Variants in AGPAT3 observed in about 807,000 individuals in gnomAD.
AGPAT3 encodes the protein 1-acyl-sn-glycerol-3-phosphate acyltransferase gamma.
A neutral mutation model predicts 47.3 loss-of-function variants in AGPAT3; 5 were observed. The observed-to-expected ratio is 0.11, with a 90% CI of 0.06 to 0.22. The LOEUF (loss-of-function observed/expected upper bound fraction) is 0.22, where lower values mean the gene tolerates loss of function less well. Among genes scored for constraint, AGPAT3 ranks in the 10% least tolerant of loss-of-function variants. The probability of loss-of-function intolerance (pLI) is 1.00; values close to 1 mark genes in which losing one functional copy is unlikely to be tolerated. For synonymous variants in AGPAT3, 212 were observed against 208.3 expected (o/e 1.02, Z -0.15); for missense variants, 315 against 493.0 (o/e 0.64, Z 3.42).
At chr21:43,928,155 G>A (rs1405677233) in intron 2 of AGPAT3, among the ~76,000 whole-genome samples, 3 of 152,198 alleles carry the variant, frequency 2.0e-5, no homozygotes, top group East Asian at 3.9e-4. Flanking sequence ...CTTGCTGGAC[G>A]TGGAAGTCTC....
At position 43,952,482 on chromosome 21, in the gene AGPAT3, T is replaced by C. The variant is rs2088246209; in HGVS notation, c.-48-7152T>C. On this transcript the variant is annotated intron_variant, in intron 2 of 9. Transcript: ENST00000291572. The surrounding 1 kb of genome is among the most constrained non-coding windows in gnomAD (Gnocchi z 5.6). ...GGGCTGGGCTCTGATTGGCAAGCAG[T>C]GCTCTGGCCCTGCCCAGGCAGAGGC... Among the ~76,000 whole-genome samples the C allele has an allele frequency of 6.6e-6, 1 of 152,134 alleles. No homozygotes were observed. Among genetic ancestry groups the C allele is most frequent in the Non-Finnish European group, 1.5e-5 (1 of 68,016 alleles).
At chr21:43,937,260 G>A (rs528454914) in intron 2 of AGPAT3, among the ~76,000 whole-genome samples, 7 of 152,218 alleles carry the variant, frequency 4.6e-5, no homozygotes, top group Non-Finnish European at 1.0e-4. Context: ...TTGGTCCCTA[G>A]ATATGTGTGA....
At chr21:43,936,609 CT>C (rs777784593) in intron 2 of AGPAT3, among the ~76,000 whole-genome samples, 12 of 152,380 alleles carry the variant, frequency 7.9e-5, no homozygotes, top group African/African-American at 2.9e-4. Context: ...AGCTCTGCCC[CT>C]ATAATACTTC....
chr21:43,940,045 A>G (rs2087605178), intron 2 of AGPAT3, among the ~76,000 whole-genome samples: 1 of 152,228 alleles, frequency 6.6e-6, no homozygotes, highest in African/African-American at 2.4e-5. Flanking sequence ...CTGGCCACGC[A>G]GGTGGCACCC....
rs569507312 is a variant in AGPAT3 at position 43,952,693 on chromosome 21, G to A, written c.-48-6941G>A. On this transcript the variant is annotated intron_variant, in intron 2 of 9. Transcript: ENST00000291572. The surrounding 1 kb of genome is among the most constrained non-coding windows in gnomAD (Gnocchi z 5.6). Reference sequence around the variant, plus strand: ...ACGCGCTGGCACCAAGCTTCTGGGCGACCTAAACCTGTTGTTTAATGAAGG... The same window carrying A: ...ACGCGCTGGCACCAAGCTTCTGGGCAACCTAAACCTGTTGTTTAATGAAGG... 2.4e-4 allele frequency among the ~76,000 whole-genome samples: 36 copies of A among 151,934 alleles called. No individual in the cohort carries two copies. The highest frequency in any genetic ancestry group is 1.0e-3 in the South Asian group (5 of 4,814).
chr21:43,907,578 G>A (rs562262826), intron 2 of AGPAT3, among the ~76,000 whole-genome samples: 5 of 152,170 alleles, frequency 3.3e-5, no homozygotes, highest in East Asian at 1.9e-4. Flanking sequence ...TTAGCTGGGC[G>A]TGGTGGCGGG....
intron 3 of AGPAT3, among the ~76,000 whole-genome samples, chr21:43,963,339 G>C (rs970645076): frequency 1.3e-5 from 2 of 152,172 alleles, no homozygotes; most frequent in Non-Finnish European, 2.9e-5. Context: ...TCAGATACAG[G>C]AAGCACATGT....
rs376792294 is a variant in AGPAT3, at chr21:43,895,896, AG to A, written c.-111-8060del. 5.1e-3 allele frequency among the ~76,000 whole-genome samples: 776 copies of A among 152,268 alleles called. 9 individuals are homozygous for A. Among genetic ancestry groups the A allele is most frequent in the African/African-American group, 0.018 (743 of 41,548 alleles). Reference sequence around the variant, plus strand: ...GTTCTTCTGCCTCAGCCTCCCAAGTAGCTGGGATTACAGGCGCCTGCTACCA... The same window carrying A: ...GTTCTTCTGCCTCAGCCTCCCAAGTACTGGGATTACAGGCGCCTGCTACCA... On this transcript the variant is annotated intron_variant, in intron 1 of 9. Transcript: ENST00000291572.
intron 7 of AGPAT3, among the ~76,000 whole-genome samples, chr21:43,974,448 G>T (rs1006429401): frequency 6.6e-6 from 1 of 151,386 alleles, no homozygotes; most frequent in Non-Finnish European, 1.5e-5. Flanking sequence ...TGTGGTATGT[G>T]TGTATAAATT....
At chr21:43,978,841 C>G (rs926248854) in intron 8 of AGPAT3, among the ~76,000 whole-genome samples, 5 of 152,190 alleles carry the variant, frequency 3.3e-5, no homozygotes, top group African/African-American at 1.2e-4. Context: ...TTCTTTCCCC[C>G]ACGGCTTACT....
rs1294289419 is a variant in AGPAT3, at chr21:43,934,985, A to G, written c.-48-24649A>G. Among the ~76,000 whole-genome samples the G allele has an allele frequency of 1.4e-5, 2 of 146,048 alleles. No homozygotes were observed. Among genetic ancestry groups the G allele is most frequent in the Admixed American group, 1.3e-4 (2 of 14,832 alleles). ...CATGCCATTGACACGCCACCACGCC[A>G]CTTACGCCACCCACGCTACTACCCA... On this transcript the variant is annotated intron_variant, in intron 2 of 9. Coordinates refer to ENST00000291572, the MANE Select transcript of AGPAT3 (RefSeq NM_020132.5). This position sits in a 1 kb window ranked among gnomAD's most constrained non-coding sequence, Gnocchi z 4.7.
At chr21:43,888,330 G>A (rs776223081) in intron 1 of AGPAT3, among the ~76,000 whole-genome samples, 4 of 152,132 alleles carry the variant, frequency 2.6e-5, no homozygotes, top group African/African-American at 4.8e-5. Context: ...TTGCATCACT[G>A]CACCCAGCTT....
intron 2 of AGPAT3, among the ~76,000 whole-genome samples, chr21:43,953,919 AGC>A: frequency 6.6e-6 from 1 of 152,322 alleles, no homozygotes; most frequent in South Asian, 2.1e-4. Context: ...GAATCACTTG[AGC>A]CTAGGAGATC....
At chr21:43,975,778 G>A (rs2089596807) in intron 7 of AGPAT3, among the ~76,000 whole-genome samples, 1 of 152,124 alleles carries the variant, frequency 6.6e-6, no homozygotes, top group Admixed American at 6.5e-5. Flanking sequence ...GCAGCGATTT[G>A]CTTCTCCCTC....
chr21:43,871,894 A>G (rs559708094), intron 1 of AGPAT3, among the ~76,000 whole-genome samples: 2 of 152,266 alleles, frequency 1.3e-5, no homozygotes, highest in East Asian at 3.9e-4. Context: ...GATAGTTTTA[A>G]TGTAATGTAT....
Position 43,982,520 on chromosome 21 carries a change from A to G in AGPAT3, c.*128A>G. 1.5e-6 allele frequency: 1 copy of G among 660,306 alleles called. No individual in the cohort carries two copies. The highest frequency in any genetic ancestry group is 2.5e-6 in the Non-Finnish European group (1 of 395,732). 40.9% of individuals were successfully genotyped at this position (660,306 alleles called of 1,614,324 possible). On this transcript the variant is annotated 3_prime_UTR_variant, in exon 10 of 10. Coordinates refer to ENST00000291572, the MANE Select transcript of AGPAT3 (RefSeq NM_020132.5). This position sits in a 1 kb window ranked among gnomAD's most constrained non-coding sequence, Gnocchi z 6.2. Reference sequence around the variant, plus strand: ...TATTAACTGGTGACTAATATTAACAAAACTTGAGCCAAGAGTAAAGAATTC... The same window carrying G: ...TATTAACTGGTGACTAATATTAACAGAACTTGAGCCAAGAGTAAAGAATTC...
intron 1 of AGPAT3, among the ~76,000 whole-genome samples, chr21:43,883,909 G>A (rs946996511): frequency 3.3e-5 from 5 of 152,002 alleles, no homozygotes; most frequent in African/African-American, 4.8e-5. Context: ...TGTATTTTTA[G>A]TAGAGAGACG....
rs1432478345 is a variant in AGPAT3 at position 43,982,651 on chromosome 21, G to A, written c.*259G>A. 5 of 323,620 alleles carry A rather than the reference G, an allele frequency of 1.5e-5. No homozygotes were observed. The highest frequency in any genetic ancestry group is 1.4e-4 in the East Asian group (2 of 13,966). The allele number at this position is 323,620 out of a possible 1,614,324, so 20.0% of individuals were successfully genotyped here. A position where few individuals can be genotyped will look rare whatever the true frequency, so the allele number is the denominator to read the frequency against. On this transcript the variant is annotated 3_prime_UTR_variant, in exon 10 of 10. Coordinates refer to ENST00000291572, the MANE Select transcript of AGPAT3 (RefSeq NM_020132.5). The surrounding 1 kb of genome is among the most constrained non-coding windows in gnomAD (Gnocchi z 6.2). ...CCGGCCGGAGAGGCCTCCCGCGGAC[G>A]CCGTCTCTCCAGAACTCCGCTTCCA...
intron 1 of AGPAT3, among the ~76,000 whole-genome samples, chr21:43,873,570 G>C (rs1364484898): frequency 6.6e-6 from 1 of 152,124 alleles, no homozygotes; most frequent in South Asian, 2.1e-4. Flanking sequence ...TAGAGACGGG[G>C]TTTCACCATG....
Sources: gnomAD v4.1 joint callset for allele counts (sites outside exome capture counted in the v4.1 genomes callset) on GRCh38, gnomAD v4.1.1 for gene constraint, Gnocchi (gnomAD v3.1) non-coding constraint, MANE v1.5 for transcripts, NCBI Gene and HGNC (gene_info 2026-07-23, HGNC 2026-07-21) for gene names.